GABRB3: variants seen among roughly 807,000 people sequenced by gnomAD.
GABRB3 encodes the protein gamma-aminobutyric acid type A receptor subunit beta3, also known as gamma-aminobutyric acid receptor subunit beta-3.
In GABRB3, 14 loss-of-function variants were observed where a neutral mutation model predicts 52.1. That is an observed-to-expected ratio of 0.27 (90% confidence interval 0.18 to 0.42). GABRB3 has a LOEUF of 0.42. Among genes scored for constraint, GABRB3 ranks in the 10% least tolerant of loss-of-function variants. The pLI, the probability that GABRB3 is intolerant of heterozygous loss-of-function variation, is 1.00. For missense variants in GABRB3, 307 were observed against 609.1 expected (o/e 0.50, Z 5.22); for synonymous variants, 260 against 232.3 (o/e 1.12, Z -1.08).
intron 4 of GABRB3, among the ~76,000 whole-genome samples, chr15:26,609,103 T>TACAC (rs79471574): frequency 0.022 from 3,211 of 143,306 alleles, 128 homozygotes; most frequent in African/African-American, 0.085. Flanking sequence ...CACACACACA[T>TACAC]ACACACACAC....
intron 3 of GABRB3, among the ~76,000 whole-genome samples, chr15:26,687,459 C>A (rs987214912): frequency 3.3e-5 from 5 of 152,126 alleles, no homozygotes; most frequent in South Asian, 2.1e-4. Context: ...CGTGACCTGA[C>A]ACATCTCGAC....
chr15:26,746,746 G>A (rs1890353416), intron 3 of GABRB3, among the ~76,000 whole-genome samples: 1 of 152,062 alleles, frequency 6.6e-6, no homozygotes. Context: ...CCAGCACTTT[G>A]GGAGGCCGAG....
At chr15:26,598,218 A>C (rs1891465440) in intron 4 of GABRB3, among the ~76,000 whole-genome samples, 1 of 152,074 alleles carries the variant, frequency 6.6e-6, no homozygotes, top group East Asian at 1.9e-4. Context: ...TTTTTTTTTA[A>C]TCAATAAACT....
intron 3 of GABRB3, among the ~76,000 whole-genome samples, chr15:26,696,865 G>A (rs1246058013): frequency 6.6e-6 from 1 of 152,174 alleles, no homozygotes; most frequent in Non-Finnish European, 1.5e-5. Context: ...TGTGTGCTCT[G>A]TGACCCCTGG....
At chr15:26,562,981 A>C (rs138300643) in intron 7 of GABRB3, among the ~76,000 whole-genome samples, 23 of 152,354 alleles carry the variant, frequency 1.5e-4, no homozygotes, top group African/African-American at 5.3e-4. Context: ...GCAATGGGAT[A>C]ATTACTGTTT....
At chr15:26,580,193 G>A in intron 6 of GABRB3, 126 bp downstream of exon 6, 2 of 1,143,118 alleles carry the variant, frequency 1.7e-6, no homozygotes, top group Non-Finnish European at 2.6e-6. Context: ...TGTGTGATGT[G>A]TGAATGATAA....
At chr15:26,750,888 T>C (rs1890487844) in intron 3 of GABRB3, among the ~76,000 whole-genome samples, 1 of 152,230 alleles carries the variant, frequency 6.6e-6, no homozygotes, top group Admixed American at 6.5e-5. Flanking sequence ...GTTTCTATCA[T>C]GAATTACAGA....
In GABRB3 at chr15:26,666,171, A is replaced by G. The variant is rs1282297725; in HGVS notation, c.241-44637T>C. Among the ~76,000 whole-genome samples the G allele has an allele frequency of 3.3e-5, 5 of 152,326 alleles. No homozygotes were observed. The East Asian group carries it at 7.7e-4, about 24-fold the overall frequency. On this transcript the variant is annotated intron_variant, in intron 3 of 8. Coordinates refer to ENST00000311550, the MANE Select transcript of GABRB3 (RefSeq NM_000814.6). ...CTCCTCAATAATCCAGCCAAGTGTG[A>G]TGCTATTTTTAGGTTTCAGGGGAAA...
chr15:26,598,762 T>C (rs757755361), intron 4 of GABRB3, among the ~76,000 whole-genome samples: 9 of 152,128 alleles, frequency 5.9e-5, no homozygotes, highest in Non-Finnish European at 1.3e-4. Context: ...CATGGCTAGA[T>C]TGCCCAGGGT....
At chr15:26,703,928 T>A (rs1234241548) in intron 3 of GABRB3, among the ~76,000 whole-genome samples, 2 of 152,192 alleles carry the variant, frequency 1.3e-5, no homozygotes, top group Non-Finnish European at 2.9e-5. Flanking sequence ...GTCAAATGCC[T>A]GTGGCTCTGC....
At chr15:26,627,120 C>T (rs1396518264) in intron 3 of GABRB3, among the ~76,000 whole-genome samples, 1 of 152,064 alleles carries the variant, frequency 6.6e-6, no homozygotes. Flanking sequence ...ATCTACTCCG[C>T]CTATGCTCAA....
At chr15:26,569,694 T>G (rs1156297853) in intron 6 of GABRB3, among the ~76,000 whole-genome samples, 1 of 152,248 alleles carries the variant, frequency 6.6e-6, no homozygotes, top group Non-Finnish European at 1.5e-5. Flanking sequence ...TGATAAATAT[T>G]GTCAAATTAC....
At chr15:26,611,019 C>T (rs547939270) in intron 4 of GABRB3, among the ~76,000 whole-genome samples, 19 of 152,140 alleles carry the variant, frequency 1.2e-4, no homozygotes, top group East Asian at 1.9e-4. Flanking sequence ...TGAAAACAGC[C>T]GAATCTTCTG....
rs1261416057 is a variant in GABRB3 at position 26,619,070 on chromosome 15, G to C, written c.461+2244C>G. On this transcript the variant is annotated intron_variant, in intron 4 of 8. Transcript: ENST00000311550. ...TAGGAACACTTTTACACTGTTGGTG[G>C]GACTGTAAACTAGTTCAACCATTGT... 3.3e-5 allele frequency among the ~76,000 whole-genome samples: 5 copies of C among 151,232 alleles called. No individual in the cohort carries two copies. In the East Asian group the frequency reaches 9.7e-4, roughly 29 times the overall value.
chr15:26,710,109 T>C (rs748675444), intron 3 of GABRB3, among the ~76,000 whole-genome samples: 9 of 152,238 alleles, frequency 5.9e-5, no homozygotes, highest in South Asian at 2.1e-4. Context: ...TGGTTGCATG[T>C]ACCTTCTCTT....
intron 3 of GABRB3, among the ~76,000 whole-genome samples, chr15:26,660,992 C>A (rs1053649479): frequency 2.0e-5 from 3 of 152,032 alleles, no homozygotes; most frequent in Middle Eastern, 3.2e-3. Context: ...CCTTATGTTG[C>A]CCAGGCTGGT....
intron 3 of GABRB3, among the ~76,000 whole-genome samples, chr15:26,696,921 A>G (rs1430494979): frequency 6.6e-6 from 1 of 152,236 alleles, no homozygotes; most frequent in African/African-American, 2.4e-5. Flanking sequence ...TTGCACCCCG[A>G]CAATGGCCAA....
At chr15:26,607,984 A>G (rs1291940356) in intron 4 of GABRB3, among the ~76,000 whole-genome samples, 1 of 152,054 alleles carries the variant, frequency 6.6e-6, no homozygotes, top group East Asian at 1.9e-4. Flanking sequence ...TGGAACCAAA[A>G]CAAAAAACCC....
intron 3 of GABRB3, among the ~76,000 whole-genome samples, chr15:26,668,317 A>T (rs989857): frequency 0.26 from 39,348 of 152,192 alleles, 6,249 homozygotes; most frequent in Admixed American, 0.39. Flanking sequence ...AATGTGCTAT[A>T]AAAAATTAAA....
Sources: allele counts gnomAD v4.1 joint callset (sites outside exome capture counted in the v4.1 genomes callset), GRCh38; gene constraint gnomAD v4.1.1; transcripts MANE v1.5; gene names NCBI Gene and HGNC (gene_info 2026-07-23, HGNC 2026-07-21).